Variants in CEP85 observed in about 807,000 individuals in gnomAD.
The protein encoded by CEP85 is centrosomal protein of 85 kDa.
In CEP85, 58 loss-of-function variants were observed where a neutral mutation model predicts 93.7. That is an observed-to-expected ratio of 0.62 (90% CI 0.50 to 0.77). The LOEUF (loss-of-function observed/expected upper bound fraction) is 0.77, where lower values mean the gene tolerates loss of function less well. Among genes scored for constraint, CEP85 ranks in the 30% least tolerant of loss-of-function variants. The probability of loss-of-function intolerance (pLI) is 0.00; values close to 1 mark genes in which losing one functional copy is unlikely to be tolerated. For synonymous variants in CEP85, 314 were observed against 338.6 expected (o/e 0.93, Z 0.80); for missense variants, 868 against 922.0 (o/e 0.94, Z 0.76).
At chr1:26,262,649 T>C in intron 7 of CEP85, among the ~76,000 whole-genome samples, 1 of 152,194 alleles carries the variant, frequency 6.6e-6, no homozygotes, top group East Asian at 1.9e-4. Context: ...TCCCTACTTC[T>C]TGCAGCAAAG....
At position 26,269,589 on chromosome 1, in the gene CEP85, G is replaced by A. The variant is rs7550997; in HGVS notation, c.1624G>A (p.Ala542Thr). 261,467 of 1,612,774 alleles carry A rather than the reference G, an allele frequency of 0.16. 22,120 individuals are homozygous for A. The highest frequency in any genetic ancestry group is 0.18 in the African/African-American group (13,203 of 74,916). Reference sequence around the variant, plus strand: ...ACTGGAAAGCCTGAGGCAGAGAGAAGCAGAATTCTCCTCCGCTGGACATAG... The same window carrying A: ...ACTGGAAAGCCTGAGGCAGAGAGAAACAGAATTCTCCTCCGCTGGACATAG... ...IQLESLRQRE[A>T]EFSSAGHSLQ... Residue 542 changes from alanine to threonine, a missense_variant, in exon 9 of 14, where the codon GCA becomes ACA. By Grantham distance (58) the Ala-to-Thr change is moderately conservative (BLOSUM62 0). Transcript: ENST00000451429.
rs373834084 is a variant in CEP85 at position 26,268,583 on chromosome 1, G to T, written c.1442G>T (p.Arg481Leu). 1 of 1,613,906 alleles carries T rather than the reference G, an allele frequency of 6.2e-7. No homozygotes were observed. Among genetic ancestry groups the T allele is most frequent in the Admixed American group, 1.7e-5 (1 of 59,982 alleles). The change falls in exon 8 of 14, where the codon CGC becomes CTC. Residue 481 changes from arginine to leucine, a missense_variant. By Grantham distance (102) the Arg-to-Leu change is moderately radical. Transcript: ENST00000451429. Reference sequence around the variant, plus strand: ...CAGCAGCGTATTGAGACCTTGGAGCGCTACCTGGCTGACCTGCCCACACTG... The same window carrying T: ...CAGCAGCGTATTGAGACCTTGGAGCTCTACCTGGCTGACCTGCCCACACTG... The part of the protein sequence containing the change: ...EKQQRIETLE[R>L]YLADLPTLED...
chr1:26,240,639 A>G lies in CEP85; in HGVS notation c.55+801A>G, dbSNP rs2124557913. Among the ~76,000 whole-genome samples, 3 of 152,352 alleles carry G rather than the reference A, an allele frequency of 2.0e-5. No individual in the cohort carries two copies. In the South Asian group the frequency reaches 6.2e-4, roughly 32 times the overall value. ...GCCAGGCGCTGTGGCTCATGCCTGT[A>G]ATCCCAGCACTTTGGGAGCCCAAGG... On this transcript the variant is annotated intron_variant, in intron 2 of 13. Coordinates refer to ENST00000451429, the MANE Select transcript of CEP85 (RefSeq NM_001319944.2).
intron 1 of CEP85, among the ~76,000 whole-genome samples, chr1:26,236,415 G>C (rs1352984839): frequency 6.9e-6 from 1 of 145,620 alleles, no homozygotes; most frequent in African/African-American, 2.6e-5. Context: ...TTTCCCCTCT[G>C]TCTGCCTCCA....
chr1:26,271,751 A>T (rs2089978572), intron 10 of CEP85: 1 of 444,380 alleles, frequency 2.3e-6, no homozygotes, highest in South Asian at 4.3e-5. Context: ...TGCAGTTATT[A>T]GGGTGAGAGT....
intron 3 of CEP85, among the ~76,000 whole-genome samples, chr1:26,253,853 G>A (rs915134211): frequency 4.6e-5 from 7 of 151,968 alleles, no homozygotes; most frequent in African/African-American, 1.7e-4. Context: ...ACCAGTCTGG[G>A]CAACATGGCG....
At chr1:26,274,745 G>A (rs890805397) in intron 11 of CEP85, among the ~76,000 whole-genome samples, 6 of 152,184 alleles carry the variant, frequency 3.9e-5, no homozygotes, top group African/African-American at 1.2e-4. Context: ...CAGTGGCCTT[G>A]AATGCCCTGC....
In CEP85 at chr1:26,275,013, G is replaced by GAAGGAACA; in HGVS notation, c.1845_1846insAGGAACAA (p.Glu616ArgfsTer20). 1.3e-6 allele frequency: 2 copies of GAAGGAACA among 1,587,820 alleles called. No homozygotes were observed. The highest frequency in any genetic ancestry group is 1.7e-6 in the Non-Finnish European group (2 of 1,167,066). Reference sequence around the variant, plus strand: ...GAAGAAGGAACAAGCCAGGCCCTGAGAGAGGAGGCCCAGCGAAGGGATTCA... The same window carrying GAAGGAACA: ...GAAGAAGGAACAAGCCAGGCCCTGAGAAGGAACAAGAGGAGGCCCAGCGAAGGGATTCA... On this transcript the variant is annotated frameshift_variant, in exon 12 of 14. Transcript: ENST00000451429. LOFTEE classifies it high-confidence loss of function.
In CEP85 at chr1:26,246,315, T is replaced by C. The variant is rs189358113; in HGVS notation, c.208+1997T>C. On this transcript the variant is annotated intron_variant, in intron 3 of 13. Transcript: ENST00000451429. ...TACATAAATGTTGGTAGCAGCATTA[T>C]TCATGATAGTCAAAAGTAGAAACAA... Among the ~76,000 whole-genome samples, 9 of 152,320 alleles carry C rather than the reference T, an allele frequency of 5.9e-5. No individual in the cohort carries two copies. The East Asian group carries it at 1.7e-3, about 29-fold the overall frequency.
intron 7 of CEP85, among the ~76,000 whole-genome samples, chr1:26,262,564 A>G (rs1404823295): frequency 2.0e-5 from 3 of 152,146 alleles, no homozygotes; most frequent in Admixed American, 6.6e-5. Flanking sequence ...TGACAAAGAA[A>G]TGACACTAAT....
chr1:26,268,318 C>T lies in CEP85; in HGVS notation c.1342-165C>T, dbSNP rs982491522. On this transcript the variant is annotated intron_variant, in intron 7 of 13. Transcript: ENST00000451429. ...ACAAAACATAGAAAAATTAGCCTGC[C>T]GTGGTAGTGTGTGCCTGCAGTCCCA... Among the ~76,000 whole-genome samples, 58 of 152,194 alleles carry T rather than the reference C, an allele frequency of 3.8e-4. 1 individual carries two copies. The highest frequency in any genetic ancestry group is 1.4e-3 in the African/African-American group (58 of 41,524).
intron 3 of CEP85, among the ~76,000 whole-genome samples, chr1:26,250,947 T>C (rs1313955215): frequency 2.7e-4 from 36 of 130,970 alleles, no homozygotes; most frequent in Non-Finnish European, 4.0e-4. Context: ...TTTTTTTTTT[T>C]TTTTTTTTTT....
chr1:26,242,958 A>G (rs530787657), intron 2 of CEP85, among the ~76,000 whole-genome samples: 3 of 152,252 alleles, frequency 2.0e-5, no homozygotes, highest in African/African-American at 7.2e-5. Flanking sequence ...TTTTAAATCA[A>G]ATAAATCTCA....
intron 3 of CEP85, 124 bp downstream of exon 3, chr1:26,244,442 C>G: frequency 1.2e-6 from 1 of 828,726 alleles, no homozygotes; most frequent in East Asian, 2.7e-5. Context: ...CCATTTCATT[C>G]AAGGAGTCTC....
intron 11 of CEP85, chr1:26,272,325 A>G (rs1434328617): frequency 8.3e-6 from 4 of 484,122 alleles, no homozygotes; most frequent in Non-Finnish European, 1.5e-5. Context: ...GAAGGGAGGT[A>G]AAAGAGAGGT....
chr1:26,277,071 C>T (rs1451963828), intron 13 of CEP85, 65 bp from the exon 14 acceptor site: 2 of 1,515,296 alleles, frequency 1.3e-6, no homozygotes, highest in African/African-American at 2.7e-5. Flanking sequence ...CCTATCCATA[C>T]TGCACCCTCC....
intron 3 of CEP85, among the ~76,000 whole-genome samples, chr1:26,250,157 G>C (rs774127695): frequency 8.1e-5 from 12 of 147,696 alleles, no homozygotes; most frequent in Non-Finnish European, 1.8e-4. Context: ...CAGACTTACG[G>C]TGTAACTCAG....
Position 26,258,176 on chromosome 1 carries a change from A to G in CEP85, c.1071A>G (p.Lys357=). ...AACACATCTCTCAGCTGGAGCAGAAAGTGCGAGAGAGCGAACTGCAAGTCC... is the reference window on the plus strand; with the variant it reads ...AACACATCTCTCAGCTGGAGCAGAAGGTGCGAGAGAGCGAACTGCAAGTCC... ...QRKHISQLEQ[K]VRESELQVHS... The change falls in exon 6 of 14, where the codon AAA becomes AAG. Residue 357 remains lysine (K), a synonymous_variant. Coordinates refer to ENST00000451429, the MANE Select transcript of CEP85 (RefSeq NM_001319944.2). 1 of 1,614,186 alleles carries G rather than the reference A, an allele frequency of 6.2e-7. No homozygotes were observed. Among genetic ancestry groups the G allele is most frequent in the Non-Finnish European group, 8.5e-7 (1 of 1,180,016 alleles).
At chr1:26,242,540 C>T (rs1414101030) in intron 2 of CEP85, among the ~76,000 whole-genome samples, 2 of 151,994 alleles carry the variant, frequency 1.3e-5, no homozygotes, top group East Asian at 3.8e-4. Context: ...AGTCAGGTTG[C>T]CTTCAGTAGA....
Sources: gnomAD v4.1 joint callset for allele counts (sites outside exome capture counted in the v4.1 genomes callset) on GRCh38, gnomAD v4.1.1 for gene constraint, MANE v1.5 for transcripts, NCBI Gene and HGNC (gene_info 2026-07-23, HGNC 2026-07-21) for gene names.